RBMS3: variants seen among roughly 807,000 people sequenced by gnomAD.
RBMS3 encodes the protein RNA-binding motif, single-stranded-interacting protein 3.
A neutral mutation model predicts 66.8 loss-of-function variants in RBMS3; 27 were observed. That is an observed-to-expected ratio of 0.40 (90% CI 0.30 to 0.56). The LOEUF (loss-of-function observed/expected upper bound fraction) is 0.56. Ranked by LOEUF, RBMS3 falls within the 20% of genes least tolerant of loss-of-function variation. The probability of loss-of-function intolerance (pLI) is 0.40; values close to 1 mark genes in which losing one functional copy is unlikely to be tolerated. For missense variants in RBMS3, 513 were observed against 549.5 expected (o/e 0.93, Z 0.66); for synonymous variants, 188 against 183.0 (o/e 1.03, Z -0.22).
intron 1 of RBMS3, among the ~76,000 whole-genome samples, chr3:29,390,186 C>G (rs2039224023): frequency 6.6e-6 from 1 of 152,142 alleles, no homozygotes. Context: ...ACTTTTTAAA[C>G]TCTTTTGAAA....
intron 5 of RBMS3, among the ~76,000 whole-genome samples, chr3:29,761,209 C>T (rs2055671357): frequency 6.6e-6 from 1 of 152,078 alleles, no homozygotes; most frequent in African/African-American, 2.4e-5. Flanking sequence ...TTTAGCCCTG[C>T]TTGGCGGTAG....
chr3:29,666,432 T>C (rs924694239), intron 4 of RBMS3, among the ~76,000 whole-genome samples: 1 of 152,220 alleles, frequency 6.6e-6, no homozygotes, highest in Non-Finnish European at 1.5e-5. Flanking sequence ...ATTTGCTTAA[T>C]GAATGAGTAA....
intron 12 of RBMS3, among the ~76,000 whole-genome samples, chr3:29,971,880 TG>T (rs1697250674): frequency 6.6e-6 from 1 of 151,660 alleles, no homozygotes; most frequent in Admixed American, 6.6e-5. Context: ...GTGTTGTAGG[TG>T]GATTAAAAAA....
chr3:29,539,745 TGACAA>T (rs1335071211), intron 3 of RBMS3, among the ~76,000 whole-genome samples: 1 of 152,332 alleles, frequency 6.6e-6, no homozygotes, highest in African/African-American at 2.4e-5. Flanking sequence ...TATTAAAGAC[TGACAA>T]GACATCAGGA....
At chr3:29,594,122 T>C (rs1488718150) in intron 4 of RBMS3, among the ~76,000 whole-genome samples, 3 of 152,178 alleles carry the variant, frequency 2.0e-5, no homozygotes, top group African/African-American at 7.2e-5. Flanking sequence ...CCAGACTCTT[T>C]AGTGAGATAG....
chr3:29,591,752 T>C (rs2047746790), intron 4 of RBMS3, among the ~76,000 whole-genome samples: 1 of 152,200 alleles, frequency 6.6e-6, no homozygotes, highest in African/African-American at 2.4e-5. Context: ...TTATTTGCTT[T>C]CTGTCGATTC....
chr3:29,912,248 A>T (rs1215198081), intron 10 of RBMS3, among the ~76,000 whole-genome samples: 1 of 152,094 alleles, frequency 6.6e-6, no homozygotes, highest in East Asian at 1.9e-4. Context: ...TAAATATTTG[A>T]TAATAAGTTA....
intron 6 of RBMS3, among the ~76,000 whole-genome samples, chr3:29,795,138 G>C (rs1042776542): frequency 1.3e-5 from 2 of 152,198 alleles, no homozygotes; most frequent in African/African-American, 4.8e-5. Flanking sequence ...GATTAGGAAA[G>C]GGCACAAGAA....
intron 4 of RBMS3, among the ~76,000 whole-genome samples, chr3:29,707,018 G>A (rs2052930019): frequency 6.6e-6 from 1 of 152,164 alleles, no homozygotes; most frequent in Non-Finnish European, 1.5e-5. Context: ...GGAGAGGGGT[G>A]AGCTTTGTAC....
chr3:29,848,964 AT>A (rs1358879619), intron 6 of RBMS3, among the ~76,000 whole-genome samples: 2 of 152,094 alleles, frequency 1.3e-5, no homozygotes, highest in African/African-American at 2.4e-5. Context: ...AATTGGAATC[AT>A]TTTCTAGATC....
At chr3:29,368,653 T>A (rs2038033024) in intron 1 of RBMS3, among the ~76,000 whole-genome samples, 1 of 146,876 alleles carries the variant, frequency 6.8e-6, no homozygotes, top group Non-Finnish European at 1.5e-5. Context: ...CAGTCTCAAT[T>A]TGTATTAGTC....
intron 4 of RBMS3, among the ~76,000 whole-genome samples, chr3:29,714,655 A>G (rs186244685): frequency 1.3e-5 from 2 of 152,270 alleles, no homozygotes; most frequent in Admixed American, 1.3e-4. Context: ...CAAGTGTAGT[A>G]AATTACTTTG....
intron 14 of RBMS3, among the ~76,000 whole-genome samples, chr3:29,999,230 T>G (rs1301665082): frequency 6.6e-6 from 1 of 152,168 alleles, no homozygotes; most frequent in Non-Finnish European, 1.5e-5. Context: ...GTTACACCAG[T>G]TAGAATGGCA....
At position 29,719,949 on chromosome 3, in the gene RBMS3, C is replaced by T. The variant is rs1219489500; in HGVS notation, c.400-19771C>T. On this transcript the variant is annotated intron_variant, in intron 4 of 14. Coordinates refer to ENST00000383767, the MANE Select transcript of RBMS3 (RefSeq NM_001003793.3). ...CAGATACATTTTTTTTTTTTTTAGGCAAATCAGATTTTGTCTTTCCCCACT... is the reference window on the plus strand; with the variant it reads ...CAGATACATTTTTTTTTTTTTTAGGTAAATCAGATTTTGTCTTTCCCCACT... 2.7e-5 allele frequency among the ~76,000 whole-genome samples: 4 copies of T among 149,246 alleles called. No homozygotes were observed. The East Asian group carries it at 7.9e-4, about 29-fold the overall frequency.
chr3:29,555,950 C>T (rs1376939690), intron 3 of RBMS3, among the ~76,000 whole-genome samples: 1 of 152,024 alleles, frequency 6.6e-6, no homozygotes, highest in African/African-American at 2.4e-5. Flanking sequence ...ACGGCTAAAT[C>T]GAATGCTTGA....
chr3:29,475,233 A>G (rs1004890657), intron 2 of RBMS3, among the ~76,000 whole-genome samples: 3 of 151,884 alleles, frequency 2.0e-5, no homozygotes, highest in East Asian at 1.9e-4. Flanking sequence ...ATTGGCTTTA[A>G]TAAGTTTCTT....
intron 3 of RBMS3, among the ~76,000 whole-genome samples, chr3:29,525,706 T>A (rs1261928231): frequency 1.3e-5 from 2 of 152,168 alleles, no homozygotes; most frequent in Non-Finnish European, 2.9e-5. Context: ...CAATCTTCAA[T>A]CTTTGTTCCC....
chr3:29,668,993 C>G (rs914153104), intron 4 of RBMS3, among the ~76,000 whole-genome samples: 3 of 152,162 alleles, frequency 2.0e-5, no homozygotes, highest in Admixed American at 2.0e-4. Context: ...GATGCGTTTC[C>G]CACTTAGTTG....
chr3:29,704,763 A>C (rs1159119856), intron 4 of RBMS3, among the ~76,000 whole-genome samples: 1 of 152,208 alleles, frequency 6.6e-6, no homozygotes, highest in Non-Finnish European at 1.5e-5. Flanking sequence ...TAATTTAAAA[A>C]ATTGTTAGAT....
Sources: gnomAD v4.1 joint callset for allele counts (sites outside exome capture counted in the v4.1 genomes callset) on GRCh38, gnomAD v4.1.1 for gene constraint, MANE v1.5 for transcripts, NCBI Gene and HGNC (gene_info 2026-07-23, HGNC 2026-07-21) for gene names.